The following LRP1B variants were observed in gnomAD, a reference collection of about 807,000 sequenced individuals.
LRP1B encodes the protein LDL receptor related protein 1B.
A neutral mutation model predicts 556.6 loss-of-function variants in LRP1B; 217 were observed. That is an observed-to-expected ratio of 0.39 (90% CI 0.35 to 0.44). The LOEUF is 0.44. Among genes scored for constraint, LRP1B ranks in the 20% least tolerant of loss-of-function variants. The pLI is 1.00. For synonymous variants in LRP1B, 2,047 were observed against 1,865.8 expected (o/e 1.10, Z -2.50); for missense variants, 5,053 against 5,620.8 (o/e 0.90, Z 3.23).
chr2:141,779,430 T>G (rs960763932), intron 2 of LRP1B, among the ~76,000 whole-genome samples: 1 of 151,528 alleles, frequency 6.6e-6, no homozygotes, highest in African/African-American at 2.4e-5. Context: ...TTTTTTTTTT[T>G]TTTTTTTGAG....
chr2:141,894,711 C>G (rs1010296237), intron 1 of LRP1B, among the ~76,000 whole-genome samples: 1 of 150,790 alleles, frequency 6.6e-6, no homozygotes. Flanking sequence ...GTCAAGGATG[C>G]TAACAATCAT....
At chr2:141,936,449 A>G (rs1400975589) in intron 1 of LRP1B, among the ~76,000 whole-genome samples, 1 of 152,198 alleles carries the variant, frequency 6.6e-6, no homozygotes, top group Non-Finnish European at 1.5e-5. Flanking sequence ...AAACTATAAT[A>G]ATGCTAACAA....
intron 2 of LRP1B, among the ~76,000 whole-genome samples, chr2:141,783,444 A>G (rs1169018719): frequency 6.6e-6 from 1 of 152,066 alleles, no homozygotes; most frequent in East Asian, 1.9e-4. Flanking sequence ...CTCTCATCAC[A>G]TTGAAAATTT....
chr2:140,607,650 CACACACACAT>C (rs1313208850), intron 41 of LRP1B, among the ~76,000 whole-genome samples: 5 of 142,678 alleles, frequency 3.5e-5, no homozygotes, highest in East Asian at 2.1e-4. Flanking sequence ...CACACACACA[CACACACACAT>C]AGACGTGTGT....
At chr2:140,480,534 T>C (rs1368210382) in intron 59 of LRP1B, among the ~76,000 whole-genome samples, 1 of 151,854 alleles carries the variant, frequency 6.6e-6, no homozygotes, top group Non-Finnish European at 1.5e-5. Flanking sequence ...TCCACCTCCC[T>C]GGTTCAAGCA....
chr2:140,239,031 C>T (rs534062900), intron 88 of LRP1B, among the ~76,000 whole-genome samples: 2 of 150,868 alleles, frequency 1.3e-5, no homozygotes, highest in African/African-American at 2.4e-5. Flanking sequence ...TGAATCAATG[C>T]ACTATTTGTG....
intron 2 of LRP1B, among the ~76,000 whole-genome samples, chr2:141,519,550 T>C (rs1303615355): frequency 6.6e-6 from 1 of 151,936 alleles, no homozygotes; most frequent in Non-Finnish European, 1.5e-5. Context: ...GACAGGCAAC[T>C]CTTCAGTGGA....
intron 2 of LRP1B, among the ~76,000 whole-genome samples, chr2:141,491,966 T>C (rs1159512248): frequency 6.6e-6 from 1 of 151,622 alleles, no homozygotes; most frequent in Non-Finnish European, 1.5e-5. Flanking sequence ...TAATGTCAGC[T>C]GGTTAGTGGA....
chr2:141,586,896 C>A (rs1574108827), intron 2 of LRP1B, among the ~76,000 whole-genome samples: 2 of 146,978 alleles, frequency 1.4e-5, no homozygotes, highest in South Asian at 2.2e-4. Context: ...GAGCCGAGAT[C>A]GTGCCACTGC....
At chr2:140,322,231 C>G (rs1191308203) in intron 81 of LRP1B, 143 bp from the exon 82 acceptor site, 4 of 738,182 alleles carry the variant, frequency 5.4e-6, no homozygotes, top group Non-Finnish European at 8.9e-6. Flanking sequence ...GAGTATCTCA[C>G]TCAATATCAT....
chr2:141,013,823 T>C (rs1471596742), intron 13 of LRP1B, 78 bp from the exon 14 acceptor site: 25 of 792,728 alleles, frequency 3.2e-5, no homozygotes, highest in Non-Finnish European at 4.4e-5. Flanking sequence ...AAAGTGATAT[T>C]CAATAAGTAT....
intron 43 of LRP1B, among the ~76,000 whole-genome samples, chr2:140,591,081 T>C (rs1682204207): frequency 6.6e-6 from 1 of 152,216 alleles, no homozygotes; most frequent in Non-Finnish European, 1.5e-5. Context: ...AAGGTCTGAT[T>C]ATAATTTGAA....
intron 2 of LRP1B, among the ~76,000 whole-genome samples, chr2:141,725,811 A>G (rs1693007333): frequency 6.6e-6 from 1 of 151,068 alleles, no homozygotes; most frequent in African/African-American, 2.4e-5. Flanking sequence ...AATTCTAACT[A>G]CTCTAGTTTT....
At chr2:141,907,696 G>T (rs1247546307) in intron 1 of LRP1B, among the ~76,000 whole-genome samples, 1 of 151,866 alleles carries the variant, frequency 6.6e-6, no homozygotes, top group Non-Finnish European at 1.5e-5. Context: ...AACTTTAAAG[G>T]ATCAGATAGT....
At chr2:140,963,257 T>C (rs946031550) in intron 18 of LRP1B, among the ~76,000 whole-genome samples, 12 of 99,454 alleles carry the variant, frequency 1.2e-4, no homozygotes, top group African/African-American at 3.0e-4. Flanking sequence ...ATAATTTCAA[T>C]TGAAAAAAAA....
intron 43 of LRP1B, among the ~76,000 whole-genome samples, chr2:140,563,188 ACC>A (rs1680996668): frequency 6.6e-6 from 1 of 151,880 alleles, no homozygotes; most frequent in Non-Finnish European, 1.5e-5. Flanking sequence ...ACACACACAC[ACC>A]CACACACACA....
At chr2:142,050,688 C>A (rs755290941) in intron 1 of LRP1B, among the ~76,000 whole-genome samples, 2 of 151,980 alleles carry the variant, frequency 1.3e-5, no homozygotes, top group Non-Finnish European at 2.9e-5. Context: ...ATCTATTGAA[C>A]GAGTAGCTTA....
rs192148412 is a variant in LRP1B, at chr2:141,450,504, A to T, written c.343+29892T>A. 2.0e-3 allele frequency among the ~76,000 whole-genome samples: 311 copies of T among 152,182 alleles called. 2 individuals are homozygous for T. Among genetic ancestry groups the T allele is most frequent in the Non-Finnish European group, 3.1e-3 (214 of 68,002 alleles). On this transcript the variant is annotated intron_variant, in intron 3 of 90. Transcript: ENST00000389484. The stretch of plus-strand genomic sequence containing the variant: ...GTAAACTCAAGACCATTTCTTATAC[A>T]TAACATCATCAACTTCATCATCACT...
chr2:141,800,266 T>A (rs947337127), intron 2 of LRP1B, among the ~76,000 whole-genome samples: 2 of 152,208 alleles, frequency 1.3e-5, no homozygotes, highest in Non-Finnish European at 2.9e-5. Flanking sequence ...CCACTAAGCA[T>A]CAAGATGTTG....
Sources: gnomAD v4.1 joint callset for allele counts (sites outside exome capture counted in the v4.1 genomes callset) on GRCh38, gnomAD v4.1.1 for gene constraint, MANE v1.5 for transcripts, NCBI Gene and HGNC (gene_info 2026-07-23, HGNC 2026-07-21) for gene names.